RMP64: variants seen among roughly 807,000 people sequenced by gnomAD.
The protein encoded by RMP64 is ribonuclease MRP subunit p64, also known as nucleolus and neural progenitor protein.
At chr3:113,019,388 G>A in the RMP64 span, 1 of 635,040 alleles carries the variant, frequency 1.6e-6, no homozygotes, top group Non-Finnish European at 2.8e-6. Context: ...CACCAGCAAA[G>A]TGCTGGGACC....
the RMP64 span, chr3:113,011,480 T>G: frequency 6.0e-6 from 8 of 1,334,504 alleles, no homozygotes; most frequent in Admixed American, 1.8e-4. Context: ...ACTGCAAGAT[T>G]GAAAGCTGAA....
the RMP64 span, among the ~76,000 whole-genome samples, chr3:113,007,718 AC>A: frequency 2.6e-5 from 4 of 152,128 alleles, no homozygotes; most frequent in Admixed American, 2.6e-4. Context: ...ACAGTACAAC[AC>A]CCCAGCAGTC....
At chr3:113,012,241 G>A in the RMP64 span, among the ~76,000 whole-genome samples, 6 of 152,178 alleles carry the variant, frequency 3.9e-5, no homozygotes, top group African/African-American at 1.4e-4. Flanking sequence ...CACATAAGAA[G>A]GTCAAAAATT....
the RMP64 span, among the ~76,000 whole-genome samples, chr3:113,012,118 T>G: frequency 6.6e-6 from 1 of 152,200 alleles, no homozygotes; most frequent in Admixed American, 6.5e-5. Context: ...TTTCACAATA[T>G]GTACTGAGAG....
the RMP64 span, chr3:113,011,094 C>A: frequency 6.2e-7 from 1 of 1,611,746 alleles, no homozygotes; most frequent in Non-Finnish European, 8.5e-7. Flanking sequence ...CCACATTATT[C>A]TGTACATTGA....
At chr3:113,005,497 C>CT in the RMP64 span, 2 of 1,321,410 alleles carry the variant, frequency 1.5e-6, no homozygotes, top group South Asian at 2.5e-5. Flanking sequence ...CTGAACTAGC[C>CT]TTGTTAATCA....
At chr3:113,013,408 A>G in the RMP64 span, 6 of 1,581,976 alleles carry the variant, frequency 3.8e-6, no homozygotes, top group African/African-American at 1.4e-5. Context: ...TTTTCACTTG[A>G]AAAAAATAGA....
the RMP64 span, chr3:113,019,499 C>A: frequency 6.6e-6 from 10 of 1,514,120 alleles, no homozygotes; most frequent in Non-Finnish European, 9.1e-6. Context: ...CTGGCGGCCT[C>A]CCCCGGAAAC....
chr3:113,010,923 T>C, the RMP64 span: 1 of 961,734 alleles, frequency 1.0e-6, no homozygotes. Context: ...TCAATATGAG[T>C]CAAAATTAAG....
chr3:113,005,727 G>T, the RMP64 span: 1 of 1,614,012 alleles, frequency 6.2e-7, no homozygotes, highest in South Asian at 1.1e-5. Flanking sequence ...TTCAAGAGCT[G>T]CTTACTGTTA....
At chr3:113,012,636 A>G in the RMP64 span, 1 of 749,192 alleles carries the variant, frequency 1.3e-6, no homozygotes, top group Non-Finnish European at 2.3e-6. Context: ...TGCACCTTCC[A>G]TAACCCCATA....
At chr3:113,013,471 T>G in the RMP64 span, 2 of 1,376,746 alleles carry the variant, frequency 1.5e-6, no homozygotes, top group Non-Finnish European at 2.0e-6. Context: ...TGTTTTTTTT[T>G]TTTTTACATT....
chr3:113,006,099 C>T, the RMP64 span: 5 of 835,104 alleles, frequency 6.0e-6, no homozygotes, highest in South Asian at 1.8e-5. Context: ...AAATACACAA[C>T]TTATCTACAA....
the RMP64 span, chr3:113,002,796 ATTTC>A: frequency 1.3e-5 from 2 of 155,122 alleles, no homozygotes; most frequent in African/African-American, 4.8e-5. Context: ...GTGCCTGTGA[ATTTC>A]TTTGAGGAGG....
At chr3:113,015,442 CT>C in the RMP64 span, among the ~76,000 whole-genome samples, 1 of 152,084 alleles carries the variant, frequency 6.6e-6, no homozygotes, top group Non-Finnish European at 1.5e-5. Flanking sequence ...TAAATAGGGT[CT>C]GTTTTTATTT....
chr3:113,008,808 G>C, the RMP64 span: 1 of 174,500 alleles, frequency 5.7e-6, no homozygotes, highest in South Asian at 1.3e-4. Context: ...ATCTGCAGCT[G>C]AATTAGATTG....
At chr3:113,004,607 T>C in the RMP64 span, 1 of 152,190 alleles carries the variant, frequency 6.6e-6, no homozygotes, top group East Asian at 1.9e-4. Context: ...CTAGTAAAGT[T>C]AGAACATTGG....
At chr3:113,013,439 T>TAA in the RMP64 span, 1 of 1,419,334 alleles carries the variant, frequency 7.0e-7, no homozygotes, top group Non-Finnish European at 9.5e-7. Context: ...TACTTTCACT[T>TAA]AAAAAAAAAG....
At chr3:113,017,507 C>G in the RMP64 span, 1 of 1,614,130 alleles carries the variant, frequency 6.2e-7, no homozygotes, top group Admixed American at 1.7e-5. Context: ...CTGTAAAGGA[C>G]TGCACATAAC....
Sources: gnomAD v4.1 joint callset for allele counts (sites outside exome capture counted in the v4.1 genomes callset) on GRCh38, gnomAD v4.1.1 for gene constraint, MANE v1.5 for transcripts, NCBI Gene and HGNC (gene_info 2026-07-23, HGNC 2026-07-21) for gene names.